Variants in STXBP5L observed in about 807,000 individuals in gnomAD.
The protein encoded by STXBP5L is syntaxin-binding protein 5-like.
In STXBP5L, 65 loss-of-function variants were observed where a neutral mutation model predicts 144.5. That is an observed-to-expected ratio of 0.45 (90% CI 0.37 to 0.55). The LOEUF is 0.55. Ranked by LOEUF, STXBP5L falls within the 20% of genes least tolerant of loss-of-function variation. The probability of loss-of-function intolerance (pLI) is 0.00; values close to 1 mark genes in which losing one functional copy is unlikely to be tolerated. For missense variants in STXBP5L, 1,298 were observed against 1,405.5 expected, an observed-to-expected ratio of 0.92 and a Z score of 1.22; for synonymous variants, 505 against 469.6, an observed-to-expected ratio of 1.08 and a Z score of -0.97.
At chr3:121,329,005 G>T (rs187035919) in intron 20 of STXBP5L, among the ~76,000 whole-genome samples, 32 of 151,668 alleles carry the variant, frequency 2.1e-4, no homozygotes, top group Non-Finnish European at 3.4e-4. Context: ...GCCCAGAAAA[G>T]TTATATATAT....
intron 3 of STXBP5L, among the ~76,000 whole-genome samples, chr3:120,999,301 C>T (rs1377564254): frequency 6.6e-6 from 1 of 152,144 alleles, no homozygotes; most frequent in African/African-American, 2.4e-5. Flanking sequence ...GATCTGCCTA[C>T]CTTGGCCTTC....
intron 18 of STXBP5L, among the ~76,000 whole-genome samples, chr3:121,261,563 T>C (rs1020145754): frequency 6.6e-6 from 1 of 152,112 alleles, no homozygotes; most frequent in Non-Finnish European, 1.5e-5. Flanking sequence ...AGATAACATA[T>C]CATAACCAAG....
At chr3:120,962,886 A>G (rs535024546) in intron 3 of STXBP5L, among the ~76,000 whole-genome samples, 290 of 152,232 alleles carry the variant, frequency 1.9e-3, no homozygotes, top group Non-Finnish European at 2.9e-3. Flanking sequence ...TTTTCACTAT[A>G]TTGATTCTTC....
intron 3 of STXBP5L, among the ~76,000 whole-genome samples, chr3:120,995,235 C>A (rs1943244762): frequency 6.6e-6 from 1 of 152,140 alleles, no homozygotes; most frequent in Non-Finnish European, 1.5e-5. Context: ...GCAACCTTGA[C>A]CTTCTAGGCT....
Position 120,998,422 on chromosome 3 carries a change from G to T in STXBP5L, c.288-43278G>T, listed in dbSNP as rs1273363395. ...TTATACTTTAAATTTTGGGGTACAT[G>T]TGCAGAACGTGCAGGTTTGTTACAT... On this transcript the variant is annotated intron_variant, in intron 3 of 26. Coordinates refer to ENST00000471454, the MANE Select transcript of STXBP5L (RefSeq NM_001308330.2). Among the ~76,000 whole-genome samples, 4 of 151,988 alleles carry T rather than the reference G, an allele frequency of 2.6e-5. No individual in the cohort carries two copies. The South Asian group carries it at 8.3e-4, about 31-fold the overall frequency.
At chr3:121,318,844 G>C (rs1177255085) in intron 20 of STXBP5L, among the ~76,000 whole-genome samples, 1 of 152,092 alleles carries the variant, frequency 6.6e-6, no homozygotes, top group Non-Finnish European at 1.5e-5. Flanking sequence ...ATAAAAATTG[G>C]TGATATAGAG....
At chr3:121,009,506 A>G (rs905157770) in intron 3 of STXBP5L, among the ~76,000 whole-genome samples, 2 of 151,938 alleles carry the variant, frequency 1.3e-5, no homozygotes, top group Non-Finnish European at 2.9e-5. Context: ...ACACAACCAC[A>G]TCTGAATGTG....
chr3:120,930,720 C>T (rs1709887086), intron 2 of STXBP5L, among the ~76,000 whole-genome samples: 1 of 152,102 alleles, frequency 6.6e-6, no homozygotes, highest in Admixed American at 6.6e-5. Context: ...TTGCACCATA[C>T]CATTTAACTT....
intron 20 of STXBP5L, among the ~76,000 whole-genome samples, chr3:121,341,998 T>A (rs1267851834): frequency 3.3e-5 from 5 of 152,070 alleles, no homozygotes; most frequent in Non-Finnish European, 7.4e-5. Context: ...ATAATTGGAC[T>A]TTTTGTAACA....
intron 2 of STXBP5L, among the ~76,000 whole-genome samples, chr3:120,951,962 A>G (rs1711269159): frequency 6.6e-6 from 1 of 151,956 alleles, no homozygotes; most frequent in African/African-American, 2.4e-5. Context: ...ACACCATGGA[A>G]TACTATGCAG....
chr3:121,390,543 G>C (rs2046555163), intron 22 of STXBP5L, among the ~76,000 whole-genome samples: 2 of 152,152 alleles, frequency 1.3e-5, no homozygotes, highest in Admixed American at 1.3e-4. Context: ...TTCTTTCCAT[G>C]TTTAGTGATT....
intron 20 of STXBP5L, among the ~76,000 whole-genome samples, chr3:121,365,056 T>G (rs1275619544): frequency 2.0e-5 from 3 of 151,930 alleles, no homozygotes; most frequent in Non-Finnish European, 4.4e-5. Flanking sequence ...CCTTAATATA[T>G]TGCAATGATT....
At chr3:121,122,045 T>TCA (rs1419190774) in intron 7 of STXBP5L, among the ~76,000 whole-genome samples, 4 of 151,040 alleles carry the variant, frequency 2.6e-5, no homozygotes, top group Non-Finnish European at 5.9e-5. Flanking sequence ...AGTTTGGTAA[T>TCA]GAAAAATGAC....
intron 3 of STXBP5L, among the ~76,000 whole-genome samples, chr3:120,974,719 A>T (rs891870442): frequency 1.3e-5 from 2 of 152,126 alleles, no homozygotes; most frequent in Non-Finnish European, 2.9e-5. Context: ...TAATTTTTGT[A>T]TAAGGTGTAA....
intron 5 of STXBP5L, among the ~76,000 whole-genome samples, chr3:121,071,680 T>G (rs1237078419): frequency 6.6e-6 from 1 of 152,110 alleles, no homozygotes; most frequent in Admixed American, 6.6e-5. Context: ...TGACCCAGAG[T>G]CTCCAGGTTG....
chr3:121,370,512 C>T, intron 20 of STXBP5L, among the ~76,000 whole-genome samples: 1 of 152,182 alleles, frequency 6.6e-6, no homozygotes. Flanking sequence ...GTTAACTAAA[C>T]ACCTTTTCTT....
At chr3:120,972,298 A>G (rs1261543780) in intron 3 of STXBP5L, among the ~76,000 whole-genome samples, 2 of 152,056 alleles carry the variant, frequency 1.3e-5, no homozygotes, top group Non-Finnish European at 2.9e-5. Flanking sequence ...CTCCTTGGTT[A>G]AATGTATTTC....
chr3:121,398,617 A>G (rs1159613848), intron 22 of STXBP5L, among the ~76,000 whole-genome samples: 1 of 151,988 alleles, frequency 6.6e-6, no homozygotes, highest in Non-Finnish European at 1.5e-5. Flanking sequence ...GATTTTTTCT[A>G]CATTCTTTTT....
rs550754135 is a variant in STXBP5L, at chr3:121,072,228, G to T, written c.470+26693G>T. 2.6e-5 allele frequency among the ~76,000 whole-genome samples: 4 copies of T among 152,320 alleles called. No individual in the cohort carries two copies. In the East Asian group the frequency reaches 7.7e-4, roughly 29 times the overall value. On this transcript the variant is annotated intron_variant, in intron 5 of 26. Coordinates refer to ENST00000471454, the MANE Select transcript of STXBP5L (RefSeq NM_001308330.2). ...ATGCCTTCACCCACCCTGAGAAAGT[G>T]CAGACAAACACTAGCATGTACCAGT...
Sources: gnomAD v4.1 joint callset for allele counts (sites outside exome capture counted in the v4.1 genomes callset) on GRCh38, gnomAD v4.1.1 for gene constraint, MANE v1.5 for transcripts, NCBI Gene and HGNC (gene_info 2026-07-23, HGNC 2026-07-21) for gene names.